PRICKLE2: variants seen among roughly 807,000 people sequenced by gnomAD.
PRICKLE2 encodes prickle-like protein 2.
Under a neutral mutation model 81.4 loss-of-function variants are expected in PRICKLE2, and 21 were observed. That is an observed-to-expected ratio of 0.26 (90% CI 0.18 to 0.37). PRICKLE2 has a LOEUF of 0.37. Ranked by LOEUF, PRICKLE2 falls within the 10% of genes least tolerant of loss-of-function variation. The pLI is 1.00. For synonymous variants in PRICKLE2, 456 were observed against 421.5 expected, an observed-to-expected ratio of 1.08 and a Z score of -1.00; for missense variants, 940 against 1,109.0, an observed-to-expected ratio of 0.85 and a Z score of 2.16.
intron 1 of PRICKLE2, among the ~76,000 whole-genome samples, chr3:64,220,457 C>A (rs572875041): frequency 6.6e-6 from 1 of 152,146 alleles, no homozygotes; most frequent in Non-Finnish European, 1.5e-5. Context: ...ACATACCAAC[C>A]GGAAGTGGCT....
chr3:64,233,913 T>A (rs2079142084), intron 2 of PRICKLE2, among the ~76,000 whole-genome samples: 1 of 152,238 alleles, frequency 6.6e-6, no homozygotes, highest in Admixed American at 6.5e-5. Context: ...TGACATTTTA[T>A]ATTAGTGAAA....
At chr3:64,267,628 A>G (rs2079730740) in intron 2 of PRICKLE2, among the ~76,000 whole-genome samples, 1 of 151,084 alleles carries the variant, frequency 6.6e-6, no homozygotes, top group Non-Finnish European at 1.5e-5. Context: ...TAGTCCTAAT[A>G]CAATAATACC....
chr3:64,208,851 T>C (rs189296027), intron 1 of PRICKLE2, among the ~76,000 whole-genome samples: 12 of 152,328 alleles, frequency 7.9e-5, no homozygotes, highest in Non-Finnish European at 1.2e-4. Context: ...TTCTCCTACC[T>C]TGTTTTAGGT....
At chr3:64,186,467 A>C (rs2078234951) in intron 2 of PRICKLE2, among the ~76,000 whole-genome samples, 1 of 152,224 alleles carries the variant, frequency 6.6e-6, no homozygotes, top group South Asian at 2.1e-4. Flanking sequence ...GTTACTCAAA[A>C]GACAGAAGTT....
intron 7 of PRICKLE2, among the ~76,000 whole-genome samples, chr3:64,124,546 G>A (rs1244979360): frequency 6.6e-6 from 1 of 152,212 alleles, no homozygotes; most frequent in Non-Finnish European, 1.5e-5. Context: ...TGACTCTTCA[G>A]TTAGGGGCTA....
intron 7 of PRICKLE2, among the ~76,000 whole-genome samples, chr3:64,114,945 A>C (rs2076911482): frequency 1.3e-5 from 2 of 152,206 alleles, no homozygotes; most frequent in South Asian, 4.1e-4. Context: ...AAAGGCAGCT[A>C]GAGGGAAAGA....
At chr3:64,190,468 A>G (rs1559566551) in intron 2 of PRICKLE2, 1 of 152,178 alleles carries the variant, frequency 6.6e-6, no homozygotes, top group Non-Finnish European at 1.5e-5. Context: ...TACTCTTCAC[A>G]TAACTACAGT....
At chr3:64,159,122 G>C (rs1031277147) in intron 4 of PRICKLE2, among the ~76,000 whole-genome samples, 1 of 152,134 alleles carries the variant, frequency 6.6e-6, no homozygotes, top group African/African-American at 2.4e-5. Context: ...CACTCAACAG[G>C]AGCAGAGGAG....
At chr3:64,118,529 T>C (rs534168327) in intron 7 of PRICKLE2, among the ~76,000 whole-genome samples, 1 of 152,208 alleles carries the variant, frequency 6.6e-6, no homozygotes, top group Admixed American at 6.5e-5. Flanking sequence ...CATTAAAAAG[T>C]GGGCAAAGAA....
chr3:64,126,721 G>A (rs2077112992), intron 7 of PRICKLE2, among the ~76,000 whole-genome samples: 1 of 152,116 alleles, frequency 6.6e-6, no homozygotes, highest in Admixed American at 6.5e-5. Context: ...GGGACTACAG[G>A]TGCACACCAC....
chr3:64,109,212 G>A (rs766727042), intron 7 of PRICKLE2, among the ~76,000 whole-genome samples: 2 of 152,094 alleles, frequency 1.3e-5, no homozygotes, highest in Non-Finnish European at 2.9e-5. Context: ...GCCTGGTTGG[G>A]TGTGGTATGT....
intron 7 of PRICKLE2, among the ~76,000 whole-genome samples, chr3:64,104,109 A>G (rs901643305): frequency 3.9e-5 from 6 of 152,220 alleles, no homozygotes; most frequent in Non-Finnish European, 7.3e-5. Flanking sequence ...TTTTGTTTCA[A>G]TTTCGTTCCT....
chr3:64,244,006 T>C (rs59199127), intron 2 of PRICKLE2, among the ~76,000 whole-genome samples: 1 of 152,186 alleles, frequency 6.6e-6, no homozygotes, highest in Non-Finnish European at 1.5e-5. Context: ...AATTATGGAA[T>C]AGGAAAAGTT....
chr3:64,109,115 A>C (rs1046492965), intron 7 of PRICKLE2, among the ~76,000 whole-genome samples: 4 of 151,938 alleles, frequency 2.6e-5, no homozygotes, highest in Admixed American at 2.6e-4. Flanking sequence ...AGTGAGTTAA[A>C]CCTGCTCTAC....
chr3:64,241,917 C>T (rs2079271673), intron 2 of PRICKLE2, among the ~76,000 whole-genome samples: 1 of 152,104 alleles, frequency 6.6e-6, no homozygotes. Flanking sequence ...TAAACATGTC[C>T]TGAAATTAAA....
chr3:64,254,313 G>A (rs1333096106), intron 2 of PRICKLE2, among the ~76,000 whole-genome samples: 2 of 152,164 alleles, frequency 1.3e-5, no homozygotes. Flanking sequence ...ACAGTGGAAA[G>A]AGGAAGCAAC....
intron 1 of PRICKLE2, chr3:64,200,565 C>G (rs1395633834): frequency 1.3e-5 from 2 of 152,068 alleles, no homozygotes; most frequent in African/African-American, 4.8e-5. Context: ...AGCGATCCTC[C>G]TGTCTTAGCC....
chr3:64,093,366 A>C lies in PRICKLE2; in HGVS notation c.*5685T>G, dbSNP rs913010591. On this transcript the variant is annotated 3_prime_UTR_variant, in exon 8 of 8. Coordinates refer to ENST00000638394, the MANE Select transcript of PRICKLE2 (RefSeq NM_198859.4). ...GTATCTCTTTGGAGACCCTGCTGTC[A>C]ATTCTTTTGGGTATAGCCCAGAAGT... 4.6e-5 allele frequency: 7 copies of C among 152,228 alleles called. 1 individual carries two copies. The highest frequency in any genetic ancestry group is 2.6e-4 in the Admixed American group (4 of 15,280). 9.4% of individuals were successfully genotyped at this position (152,228 alleles called of 1,614,324 possible). A position where few individuals can be genotyped will look rare whatever the true frequency, so the allele number is the denominator to read the frequency against.
In PRICKLE2 at chr3:64,093,193, C is replaced by A; in HGVS notation, c.*5858G>T. 5.9e-6 allele frequency: 1 copy of A among 170,226 alleles called. No individual in the cohort carries two copies. Among genetic ancestry groups the A allele is most frequent in the Admixed American group, 6.1e-5 (1 of 16,452 alleles). The allele number at this position is 170,226 out of a possible 1,614,324, so 10.5% of individuals were successfully genotyped here. A position where few individuals can be genotyped will look rare whatever the true frequency, so the allele number is the denominator to read the frequency against. On this transcript the variant is annotated 3_prime_UTR_variant, in exon 8 of 8. Transcript: ENST00000638394. The stretch of plus-strand genomic sequence containing the variant: ...GGTTCATCCATGTTGTAGCATGTGT[C>A]AGAATTTCCTTCCGTTTTAAGGCTG...
Sources: allele counts gnomAD v4.1 joint callset (sites outside exome capture counted in the v4.1 genomes callset), GRCh38; gene constraint gnomAD v4.1.1; transcripts MANE v1.5; gene names NCBI Gene and HGNC (gene_info 2026-07-23, HGNC 2026-07-21).